The following KCNK9 variants were observed in gnomAD, a reference collection of about 807,000 sequenced individuals.
KCNK9 encodes the protein potassium channel subfamily K member 9.
In KCNK9, 1 loss-of-function variant was observed where a neutral mutation model predicts 10.8. The ratio of observed to expected loss-of-function variants is 0.09; its 90% CI spans 0.03 to 0.44. The LOEUF (loss-of-function observed/expected upper bound fraction) is 0.44, where lower values mean the gene tolerates loss of function less well. Among genes scored for constraint, KCNK9 ranks in the 20% least tolerant of loss-of-function variants. The probability of loss-of-function intolerance (pLI) is 0.97; values close to 1 mark genes in which losing one functional copy is unlikely to be tolerated. For missense variants in KCNK9, 303 were observed against 515.0 expected, an observed-to-expected ratio of 0.59 and a Z score of 3.98; for synonymous variants, 231 against 222.7, an observed-to-expected ratio of 1.04 and a Z score of -0.33.
chr8:139,690,197 A>G (rs1392056765), intron 1 of KCNK9, among the ~76,000 whole-genome samples: 1 of 152,214 alleles, frequency 6.6e-6, no homozygotes, highest in African/African-American at 2.4e-5. Flanking sequence ...TCCCGGGCAT[A>G]ACTCCTTTCT....
intron 1 of KCNK9, among the ~76,000 whole-genome samples, chr8:139,675,269 C>T (rs1816523155): frequency 6.6e-6 from 1 of 152,224 alleles, no homozygotes; most frequent in Non-Finnish European, 1.5e-5. Context: ...CACCTCTTTG[C>T]TCACCCTTCC....
At chr8:139,644,616 C>T (rs1815613659) in intron 1 of KCNK9, among the ~76,000 whole-genome samples, 1 of 152,116 alleles carries the variant, frequency 6.6e-6, no homozygotes, top group South Asian at 2.1e-4. Context: ...TAGGAGCCCA[C>T]GCGGTGGACC....
intron 1 of KCNK9, among the ~76,000 whole-genome samples, chr8:139,646,713 T>C (rs1177146438): frequency 6.6e-6 from 1 of 152,260 alleles, no homozygotes; most frequent in Admixed American, 6.5e-5. Context: ...ATGAAAGTTC[T>C]GGCCATCTTT....
intron 1 of KCNK9, among the ~76,000 whole-genome samples, chr8:139,674,146 G>A (rs945658384): frequency 1.3e-5 from 2 of 152,222 alleles, no homozygotes; most frequent in African/African-American, 2.4e-5. Context: ...ACCCCTAACA[G>A]GATGGTACTT....
chr8:139,628,188 A>G (rs1216825144), intron 1 of KCNK9, among the ~76,000 whole-genome samples: 1 of 152,180 alleles, frequency 6.6e-6, no homozygotes, highest in Non-Finnish European at 1.5e-5. Context: ...AGTGGGGGTC[A>G]GTGAGACCCA....
At chr8:139,674,306 G>A (rs1306561082) in intron 1 of KCNK9, among the ~76,000 whole-genome samples, 1 of 152,192 alleles carries the variant, frequency 6.6e-6, no homozygotes, top group Non-Finnish European at 1.5e-5. Flanking sequence ...AGGGCTGCAT[G>A]TACAGCCGGA....
rs1344443696 is a variant in KCNK9, at chr8:139,702,412, ACT to A, written c.283+296_283+297del. 6.6e-6 allele frequency among the ~76,000 whole-genome samples: 1 copy of A among 151,478 alleles called. No individual in the cohort carries two copies. The highest frequency in any genetic ancestry group is 1.5e-5 in the Non-Finnish European group (1 of 67,854). ...GCTATGGGATTATTCTTAGCGCTCC[ACT>A]CTCTTCGCAAAAGTGGCGCCTCCGC... On this transcript the variant is annotated intron_variant, in intron 1 of 1. Coordinates refer to ENST00000520439, the MANE Select transcript of KCNK9 (RefSeq NM_001282534.2). The surrounding 1 kb of genome is among the most constrained non-coding windows in gnomAD (Gnocchi z 7.5).
exon 3 of KCNK9, chr8:139,601,553 C>T (rs1382355917): frequency 1.3e-5 from 2 of 152,230 alleles, no homozygotes; most frequent in African/African-American, 4.8e-5. Context: ...GCCTCACTTA[C>T]AGAAGGAGAG....
chr8:139,618,088 G>A lies in KCNK9; in HGVS notation c.*170C>T. 1 of 895,168 alleles carries A rather than the reference G, an allele frequency of 1.1e-6. No homozygotes were observed. Among genetic ancestry groups the A allele is most frequent in the Non-Finnish European group, 1.7e-6 (1 of 593,382 alleles). 55.5% of individuals were successfully genotyped at this position (895,168 alleles called of 1,614,324 possible). A position where few individuals can be genotyped will look rare whatever the true frequency, so the allele number is the denominator to read the frequency against. ...ATTTCCCTTTGGCCTGCTCTGTCTG[G>A]CTGGAAAGGTGGGGGAAAATGAGAC... On this transcript the variant is annotated 3_prime_UTR_variant, in exon 2 of 2. Coordinates refer to ENST00000520439, the MANE Select transcript of KCNK9 (RefSeq NM_001282534.2). The surrounding 1 kb of genome is among the most constrained non-coding windows in gnomAD (Gnocchi z 7.9).
chr8:139,662,369 C>G (rs1306078951), intron 1 of KCNK9, among the ~76,000 whole-genome samples: 1 of 152,146 alleles, frequency 6.6e-6, no homozygotes, highest in African/African-American at 2.4e-5. Flanking sequence ...AGGGGACACG[C>G]AGGTGGCCAG....
chr8:139,665,673 C>T (rs1816280153), intron 1 of KCNK9, among the ~76,000 whole-genome samples: 1 of 152,238 alleles, frequency 6.6e-6, no homozygotes, highest in African/African-American at 2.4e-5. Context: ...CACCCTGCTC[C>T]TGACAGCTAA....
At chr8:139,690,598 G>A (rs986215216) in intron 1 of KCNK9, among the ~76,000 whole-genome samples, 2 of 151,020 alleles carry the variant, frequency 1.3e-5, no homozygotes, top group African/African-American at 2.5e-5. Flanking sequence ...ATGCTTCTGA[G>A]TTCTCTTGAT....
intron 1 of KCNK9, among the ~76,000 whole-genome samples, chr8:139,696,474 C>G (rs1619829): frequency 1.3e-5 from 2 of 152,016 alleles, no homozygotes; most frequent in African/African-American, 4.8e-5. Flanking sequence ...TTCATGGAGG[C>G]CATTGAGGCA....
At chr8:139,671,081 T>C (rs1816416339) in intron 1 of KCNK9, among the ~76,000 whole-genome samples, 1 of 152,348 alleles carries the variant, frequency 6.6e-6, no homozygotes, top group South Asian at 2.1e-4. Context: ...CCACCTCTAT[T>C]CTGATAGCAA....
At chr8:139,645,310 G>C (rs1456886380) in intron 1 of KCNK9, among the ~76,000 whole-genome samples, 1 of 152,106 alleles carries the variant, frequency 6.6e-6, no homozygotes, top group Non-Finnish European at 1.5e-5. Context: ...GGCCCAGGGA[G>C]CCCAAGGCCC....
intron 1 of KCNK9, among the ~76,000 whole-genome samples, chr8:139,651,704 G>A (rs1448435683): frequency 6.6e-6 from 1 of 152,180 alleles, no homozygotes; most frequent in Non-Finnish European, 1.5e-5. Context: ...GAAGAGTACT[G>A]GGGTTGGGGT....
At chr8:139,700,714 A>G (rs1817198951) in intron 1 of KCNK9, among the ~76,000 whole-genome samples, 1 of 152,124 alleles carries the variant, frequency 6.6e-6, no homozygotes, top group Non-Finnish European at 1.5e-5. Flanking sequence ...CCATTTAGCT[A>G]CACTTCCCTT....
chr8:139,687,368 G>A (rs1206819132), intron 1 of KCNK9, among the ~76,000 whole-genome samples: 12 of 141,884 alleles, frequency 8.5e-5, no homozygotes, highest in African/African-American at 2.8e-4. Context: ...ACATATATAT[G>A]TGTATACATA....
chr8:139,654,178 G>A (rs934176662), intron 1 of KCNK9, among the ~76,000 whole-genome samples: 5 of 152,120 alleles, frequency 3.3e-5, no homozygotes, highest in African/African-American at 1.2e-4. Flanking sequence ...AGGAATAGCT[G>A]AAGTTTGTCT....
Sources: gnomAD v4.1 joint callset for allele counts (sites outside exome capture counted in the v4.1 genomes callset) on GRCh38, gnomAD v4.1.1 for gene constraint, Gnocchi (gnomAD v3.1) non-coding constraint, MANE v1.5 for transcripts, NCBI Gene and HGNC (gene_info 2026-07-23, HGNC 2026-07-21) for gene names.